The following CPT1A variants were observed in gnomAD, a reference collection of about 807,000 sequenced individuals.
The protein encoded by CPT1A is carnitine palmitoyltransferase 1A.
In CPT1A, 64 loss-of-function variants were observed where a neutral mutation model predicts 100.8. The observed-to-expected ratio is 0.63, with a 90% confidence interval of 0.52 to 0.78. CPT1A has a LOEUF of 0.78. Ranked by LOEUF, CPT1A falls within the 30% of genes least tolerant of loss-of-function variation. The pLI is 0.00. For missense variants in CPT1A, 802 were observed against 1,034.1 expected (o/e 0.78, Z 3.08); for synonymous variants, 363 against 396.0 (o/e 0.92, Z 0.99).
chr11:68,827,104 C>T (rs1028604749), intron 1 of CPT1A, among the ~76,000 whole-genome samples: 18 of 152,054 alleles, frequency 1.2e-4, no homozygotes, highest in African/African-American at 3.9e-4. Context: ...GAGGCCAAGG[C>T]GGGCAGATCG....
chr11:68,794,811 A>T lies in CPT1A; in HGVS notation c.872T>A (p.Ile291Asn), dbSNP rs774281699. ...AGCAATTTGTTTGCCTACTGGTTTG[A>T]TTTCCTCCCGGTCCAGTTTGCGCCT... is the stretch of plus-strand genomic sequence containing the variant. Reference protein sequence around the residue: ...LYRRKLDREEIKPIRLLGSTI... With the variant: ...LYRRKLDREENKPIRLLGSTI... Residue 291 changes from isoleucine (I) to asparagine (N), a missense_variant, in exon 8 of 19, where the codon ATC (isoleucine) becomes AAC (asparagine). Physicochemically the swap from Ile to Asn is moderately radical, Grantham distance 149 (BLOSUM62 -3). Transcript: ENST00000265641. The T allele has an allele frequency of 1.9e-6, 3 of 1,613,806 alleles. No individual in the cohort carries two copies. Among genetic ancestry groups the T allele is most frequent in the Non-Finnish European group, 2.5e-6 (3 of 1,179,706 alleles).
chr11:68,767,933 T>C (rs1030697665), intron 14 of CPT1A, among the ~76,000 whole-genome samples: 1 of 152,080 alleles, frequency 6.6e-6, no homozygotes, highest in African/African-American at 2.4e-5. Flanking sequence ...GCTTTTCCTT[T>C]TAAATACTGA....
intron 3 of CPT1A, among the ~76,000 whole-genome samples, chr11:68,811,517 G>A (rs753472969): frequency 3.9e-5 from 6 of 152,032 alleles, no homozygotes; most frequent in South Asian, 2.1e-4. Flanking sequence ...GTGTTCACTC[G>A]CATTTGTCTC....
chr11:68,802,721 G>C (rs370562399), intron 5 of CPT1A, among the ~76,000 whole-genome samples: 1 of 150,624 alleles, frequency 6.6e-6, no homozygotes, highest in Non-Finnish European at 1.5e-5. Context: ...GTGACAGAGC[G>C]AGATTCTGTC....
chr11:68,760,231 A>G lies in CPT1A; in HGVS notation c.2136T>C (p.Phe712=). 3 of 1,608,502 alleles carry G rather than the reference A, an allele frequency of 1.9e-6. No individual in the cohort carries two copies. The highest frequency in any genetic ancestry group is 1.1e-5 in the South Asian group (1 of 90,098). The change falls in exon 17 of 19, where the codon TTT becomes TTC. Residue 712 remains phenylalanine (F), a synonymous_variant. Transcript: ENST00000265641. ...CCAGCCCCGCCGCACTCACCGGTCC[A>G]AAGCCCCCTCCGCTGGACACGTACT... ...NPEYVSSGGG[F]GPVADDGYGV...
At chr11:68,839,278 GGCA>G (rs1248967830) in intron 1 of CPT1A, among the ~76,000 whole-genome samples, 1 of 152,232 alleles carries the variant, frequency 6.6e-6, no homozygotes, top group African/African-American at 2.4e-5. Flanking sequence ...TTAGATTTCG[GGCA>G]GCAAGTTTAA....
In CPT1A at chr11:68,757,653, G is replaced by A. The variant is rs2153994502; in HGVS notation, c.2313C>T (p.Ser771=). 1 of 1,614,060 alleles carries A rather than the reference G, an allele frequency of 6.2e-7. No homozygotes were observed. Among genetic ancestry groups the A allele is most frequent in the Non-Finnish European group, 8.5e-7 (1 of 1,179,986 alleles). ...IITLFGLSSN[S]KK Reference sequence around the variant, plus strand: ...AGCAGCTCCAGTGGAATTACTTTTTGGAATTAGAACTGAGACCAAACAAAG... The same window carrying A: ...AGCAGCTCCAGTGGAATTACTTTTTAGAATTAGAACTGAGACCAAACAAAG... The change falls in exon 19 of 19, where the codon TCC becomes TCT. Residue 771 remains serine, a synonymous_variant. Transcript: ENST00000265641.
At chr11:68,817,226 C>T (rs532050969) in intron 1 of CPT1A, among the ~76,000 whole-genome samples, 1 of 151,662 alleles carries the variant, frequency 6.6e-6, no homozygotes, top group African/African-American at 2.4e-5. Context: ...TTCCTGTTTT[C>T]GCCCACTGAT....
intron 12 of CPT1A, among the ~76,000 whole-genome samples, chr11:68,777,312 C>T (rs1855167178): frequency 6.6e-6 from 1 of 152,136 alleles, no homozygotes; most frequent in African/African-American, 2.4e-5. Context: ...CACCTGTGGT[C>T]CCAGCTACTC....
rs1386111446 is a variant in CPT1A, at chr11:68,799,339, C to T, written c.572G>A (p.Arg191Lys). Residue 191 changes from arginine to lysine, a missense_variant, in exon 6 of 19, where the codon AGG becomes AAG. Transcript: ENST00000265641. ...GAAGTCTTCTTCCTTCATAAGAGGC[C>T]TCACCGACTGTAGATACTGGGATTA... ...DTVNRYLQSV[R>K]PLMKEEDFKR... 6.2e-7 allele frequency: 1 copy of T among 1,613,910 alleles called. No individual in the cohort carries two copies. Among genetic ancestry groups the T allele is most frequent in the Admixed American group, 1.7e-5 (1 of 60,002 alleles).
At chr11:68,763,412 T>C (rs1487132487) in intron 14 of CPT1A, among the ~76,000 whole-genome samples, 1 of 151,950 alleles carries the variant, frequency 6.6e-6, no homozygotes, top group African/African-American at 2.4e-5. Context: ...AGGGGATCTG[T>C]GTTTGAAATG....
intron 11 of CPT1A, 127 bp from the exon 12 acceptor site, chr11:68,780,872 ACACT>A (rs1855291360): frequency 1.1e-5 from 8 of 730,822 alleles, no homozygotes; most frequent in Middle Eastern, 2.4e-4. Flanking sequence ...CAGTGAGCAG[ACACT>A]CAGTCTCTGT....
intron 2 of CPT1A, among the ~76,000 whole-genome samples, chr11:68,812,907 TC>T (rs1178803670): frequency 6.6e-6 from 1 of 151,984 alleles, no homozygotes; most frequent in East Asian, 1.9e-4. Context: ...TGACGTCCTG[TC>T]CCCAGCCTGC....
chr11:68,802,141 T>G (rs1855918164), intron 5 of CPT1A, among the ~76,000 whole-genome samples: 1 of 152,058 alleles, frequency 6.6e-6, no homozygotes, highest in African/African-American at 2.4e-5. Context: ...GGGGAGTGAC[T>G]GCTTAGTGGC....
At chr11:68,842,840 G>T (rs1857187582), upstream of CPT1A, among the ~76,000 whole-genome samples, 1 of 152,236 alleles carries the variant, frequency 6.6e-6, no homozygotes, top group African/African-American at 2.4e-5. Flanking sequence ...TAACAGGAGG[G>T]CCAAGGGGGT....
intron 3 of CPT1A, 81 bp from the exon 4 acceptor site, chr11:68,807,719 C>T (rs1856088182): frequency 2.1e-6 from 3 of 1,411,856 alleles, no homozygotes; most frequent in Admixed American, 3.6e-5. Flanking sequence ...GCCACAGACA[C>T]CACGTGCTGC....
At chr11:68,839,436 G>C (rs1857106422) in intron 1 of CPT1A, 1 of 889,120 alleles carries the variant, frequency 1.1e-6, no homozygotes, top group Non-Finnish European at 1.3e-6. Flanking sequence ...CCCCAGGCTG[G>C]CGCGTCCCAG....
chr11:68,830,333 CA>C (rs1856846425), intron 1 of CPT1A, among the ~76,000 whole-genome samples: 1 of 152,002 alleles, frequency 6.6e-6, no homozygotes, highest in South Asian at 2.1e-4. Flanking sequence ...GGAGATCGCC[CA>C]CCTGGAGCCC....
chr11:68,833,762 T>G (rs1426109384), intron 1 of CPT1A, among the ~76,000 whole-genome samples: 1 of 152,058 alleles, frequency 6.6e-6, no homozygotes, highest in Non-Finnish European at 1.5e-5. Flanking sequence ...AGAAATTGTT[T>G]CCCAAACCTG....
Sources: allele counts gnomAD v4.1 joint callset (sites outside exome capture counted in the v4.1 genomes callset), GRCh38; gene constraint gnomAD v4.1.1; transcripts MANE v1.5; gene names NCBI Gene and HGNC (gene_info 2026-07-23, HGNC 2026-07-21).